MAPK8IP1: variants seen among roughly 807,000 people sequenced by gnomAD.
MAPK8IP1 encodes the protein mitogen-activated protein kinase 8 interacting protein 1.
MAPK8IP1 carries 17 observed loss-of-function variants against 72.6 expected under a neutral mutation model. That is an observed-to-expected ratio of 0.23 (90% CI 0.16 to 0.35). The LOEUF (loss-of-function observed/expected upper bound fraction) is 0.35, where lower values mean the gene tolerates loss of function less well. Ranked by LOEUF, MAPK8IP1 falls within the 10% of genes least tolerant of loss-of-function variation. The pLI is 1.00. For missense variants in MAPK8IP1, 789 were observed against 1,009.7 expected (o/e 0.78, Z 2.96); for synonymous variants, 401 against 443.4 (o/e 0.90, Z 1.20).
At chr11:45,889,989 G>A (rs564257962) in intron 1 of MAPK8IP1, among the ~76,000 whole-genome samples, 14 of 152,294 alleles carry the variant, frequency 9.2e-5, no homozygotes, top group Admixed American at 6.5e-4. Flanking sequence ...TGGGCTGGTC[G>A]GTGTGATGAT....
rs1315165082 is a variant in MAPK8IP1 at position 45,904,864 on chromosome 11, C to G, written c.1893+30C>G. 6.2e-7 allele frequency: 1 copy of G among 1,610,964 alleles called. No homozygotes were observed. Among genetic ancestry groups the G allele is most frequent in the Admixed American group, 1.7e-5 (1 of 60,006 alleles). ...CTTCTTCCAACCCAGCCCCTTCCTT[C>G]CATGGCCCCAAGCTCTCCCCCAAGA... On this transcript the variant is annotated intron_variant, in intron 9 of 11. Transcript: ENST00000241014. This position sits in a 1 kb window ranked among gnomAD's most constrained non-coding sequence, Gnocchi z 6.4.
At position 45,900,790 on chromosome 11, in the gene MAPK8IP1, T is replaced by TTC. The variant is rs2086647073; in HGVS notation, c.522+341_522+342dup. 6.6e-6 allele frequency among the ~76,000 whole-genome samples: 1 copy of TTC among 152,052 alleles called. No homozygotes were observed. The highest frequency in any genetic ancestry group is 2.4e-5 in the African/African-American group (1 of 41,398). On this transcript the variant is annotated intron_variant, in intron 3 of 11. Transcript: ENST00000241014. The surrounding 1 kb of genome is among the most constrained non-coding windows in gnomAD (Gnocchi z 6.5). ...CTGGGACCTCAGGCTGTGACAGGGTTTCTCCTTTAGGATATGGGGCTCCTG... is the reference window on the plus strand; with the variant it reads ...CTGGGACCTCAGGCTGTGACAGGGTTTCTCTCCTTTAGGATATGGGGCTCCTG...
chr11:45,903,016 GCCT>G lies in MAPK8IP1; in HGVS notation c.1252_1254del (p.Ser418del). Reference sequence around the variant, plus strand: ...CTCTGCCACCGTCTATGACAACTGTGCCTCCGTCTCCTCGCCCTATGAGTCGGC... The same window carrying G: ...CTCTGCCACCGTCTATGACAACTGTGCCGTCTCCTCGCCCTATGAGTCGGC... On this transcript the variant is annotated inframe_deletion, in exon 5 of 12. Coordinates refer to ENST00000241014, the MANE Select transcript of MAPK8IP1 (RefSeq NM_005456.4). This position sits in a 1 kb window ranked among gnomAD's most constrained non-coding sequence, Gnocchi z 6.4. The G allele has an allele frequency of 1.2e-6, 2 of 1,611,790 alleles. No homozygotes were observed. Among genetic ancestry groups the G allele is most frequent in the Non-Finnish European group, 1.7e-6 (2 of 1,179,882 alleles).
chr11:45,896,832 G>T (rs763630293), intron 1 of MAPK8IP1: 16 of 1,547,246 alleles, frequency 1.0e-5, no homozygotes, highest in Non-Finnish European at 1.4e-5. Flanking sequence ...CCGGGCATGA[G>T]AGGGCAGCCC....
At chr11:45,905,606 G>C in intron 11 of MAPK8IP1, 43 bp from the exon 12 acceptor site, 1 of 1,553,984 alleles carries the variant, frequency 6.4e-7, no homozygotes, top group Non-Finnish European at 8.9e-7. Context: ...TTCCTCCCTT[G>C]CCAGTGGCGA....
Position 45,900,081 on chromosome 11 carries a change from A to G in MAPK8IP1, c.208-57A>G. The stretch of plus-strand genomic sequence containing the variant: ...ACTCGCCCGGGCGGGGGGCGGTGCA[A>G]GCGGCCTCGGCCCCGCCCCGGCCCC... On this transcript the variant is annotated intron_variant, in intron 2 of 11. Transcript: ENST00000241014. The surrounding 1 kb of genome is among the most constrained non-coding windows in gnomAD (Gnocchi z 6.5). 2.8e-6 allele frequency: 3 copies of G among 1,078,548 alleles called. No individual in the cohort carries two copies. Among genetic ancestry groups the G allele is most frequent in the Non-Finnish European group, 3.5e-6 (3 of 867,606 alleles). The allele number at this position is 1,078,548 out of a possible 1,614,324, so 66.8% of individuals were successfully genotyped here.
chr11:45,902,839 G>T lies in MAPK8IP1; in HGVS notation c.1072G>T (p.Glu358Ter). ...PGGGWRGSLG[E>*]PPPPPRASLS... is the part of the protein sequence containing the mutation. ...CGGAGGGTGGCGGGGGAGCCTGGGG[G>T]AGCCGCCGCCACCTCCACGGGCCTC... The change falls in exon 5 of 12, where the codon GAG becomes TAG. Residue 358 changes from glutamate to a stop codon, truncating the protein, a stop_gained. Transcript: ENST00000241014. LOFTEE classifies it high-confidence loss of function. This position sits in a 1 kb window ranked among gnomAD's most constrained non-coding sequence, Gnocchi z 9.3. 6.3e-7 allele frequency: 1 copy of T among 1,583,356 alleles called. No homozygotes were observed. Among genetic ancestry groups the T allele is most frequent in the Non-Finnish European group, 8.6e-7 (1 of 1,166,372 alleles).
In MAPK8IP1 at chr11:45,902,985, G is replaced by C. The variant is rs2086669295; in HGVS notation, c.1218G>C (p.Glu406Asp). 3 of 1,611,894 alleles carry C rather than the reference G, an allele frequency of 1.9e-6. No homozygotes were observed. Among genetic ancestry groups the C allele is most frequent in the African/African-American group, 1.3e-5 (1 of 74,990 alleles). Residue 406 changes from glutamate (E) to aspartate (D), a missense_variant, in exon 5 of 12, where the codon GAG (glutamate) becomes GAC (aspartate). Physicochemically the swap from Glu to Asp is conservative, Grantham distance 45. This residue lies in a region of MAPK8IP1 where 377 missense variants were observed against 411.7 expected (regional missense o/e 0.92). Coordinates refer to ENST00000241014, the MANE Select transcript of MAPK8IP1 (RefSeq NM_005456.4). This position sits in a 1 kb window ranked among gnomAD's most constrained non-coding sequence, Gnocchi z 9.3. ...LRPCFGDYSDESDSATVYDNC... is the reference protein window; with the variant it reads ...LRPCFGDYSDDSDSATVYDNC... Reference sequence around the variant, plus strand: ...CGTGCTTCGGAGACTACAGTGACGAGAGTGACTCTGCCACCGTCTATGACA... The same window carrying C: ...CGTGCTTCGGAGACTACAGTGACGACAGTGACTCTGCCACCGTCTATGACA...
rs200861362 is a variant in MAPK8IP1 at position 45,904,853 on chromosome 11, G to A, written c.1893+19G>A. Reference sequence around the variant, plus strand: ...GGCCAAGGTGACTTCTTCCAACCCAGCCCCTTCCTTCCATGGCCCCAAGCT... The same window carrying A: ...GGCCAAGGTGACTTCTTCCAACCCAACCCCTTCCTTCCATGGCCCCAAGCT... On this transcript the variant is annotated intron_variant, in intron 9 of 11. Coordinates refer to ENST00000241014, the MANE Select transcript of MAPK8IP1 (RefSeq NM_005456.4). The surrounding 1 kb of genome is among the most constrained non-coding windows in gnomAD (Gnocchi z 6.4). The A allele has an allele frequency of 1.7e-5, 28 of 1,612,786 alleles. No individual in the cohort carries two copies. Among genetic ancestry groups the A allele is most frequent in the Non-Finnish European group, 2.2e-5 (26 of 1,178,846 alleles).
chr11:45,893,958 A>T (rs546566410), intron 1 of MAPK8IP1, among the ~76,000 whole-genome samples: 101 of 152,332 alleles, frequency 6.6e-4, no homozygotes, highest in African/African-American at 2.3e-3. Context: ...GAAAGGGCAG[A>T]GTCTTGGATG....
At chr11:45,890,993 TGGGG>T (rs1179500089) in intron 1 of MAPK8IP1, among the ~76,000 whole-genome samples, 1 of 151,550 alleles carries the variant, frequency 6.6e-6, no homozygotes, top group Non-Finnish European at 1.5e-5. Context: ...TCGGTGGAGG[TGGGG>T]AGGTGCTGCT....
chr11:45,903,244 T>C lies in MAPK8IP1; in HGVS notation c.1417+60T>C. ...GTCCCTAGCGGGGGCAGAGCCAAAA[T>C]GCGAAGTGTTCTGGGAGGCGACCCC... On this transcript the variant is annotated intron_variant, in intron 5 of 11. Transcript: ENST00000241014. This position sits in a 1 kb window ranked among gnomAD's most constrained non-coding sequence, Gnocchi z 6.4. The C allele has an allele frequency of 1.3e-6, 2 of 1,586,296 alleles. No individual in the cohort carries two copies. Among genetic ancestry groups the C allele is most frequent in the South Asian group, 2.2e-5 (2 of 90,052 alleles).
chr11:45,904,376 C>T lies in MAPK8IP1; in HGVS notation c.1667-79C>T. On this transcript the variant is annotated intron_variant, in intron 7 of 11. Transcript: ENST00000241014. The surrounding 1 kb of genome is among the most constrained non-coding windows in gnomAD (Gnocchi z 6.4). ...CTGTGGGCTCTGCCATTCCCCGTGC[C>T]TCACCCACCCTCCTTCACTTGGCTG... 2.3e-6 allele frequency: 3 copies of T among 1,306,616 alleles called. No individual in the cohort carries two copies. Among genetic ancestry groups the T allele is most frequent in the Non-Finnish European group, 3.3e-6 (3 of 912,606 alleles). The allele number at this position is 1,306,616 out of a possible 1,614,324, so 80.9% of individuals were successfully genotyped here.
Position 45,903,838 on chromosome 11 carries a change from C to T in MAPK8IP1, c.1494-151C>T, listed in dbSNP as rs1425931932. The T allele has an allele frequency of 1.3e-6, 1 of 766,204 alleles. No homozygotes were observed. Among genetic ancestry groups the T allele is most frequent in the African/African-American group, 1.7e-5 (1 of 58,630 alleles). The allele number at this position is 766,204 out of a possible 1,614,324, so 47.5% of individuals were successfully genotyped here. ...AGATGCATGTCTGCTTGACCTTGCT[C>T]TCCCCTGGGGTTAGTACTGCAACAG... On this transcript the variant is annotated intron_variant, in intron 6 of 11. Coordinates refer to ENST00000241014, the MANE Select transcript of MAPK8IP1 (RefSeq NM_005456.4). The surrounding 1 kb of genome is among the most constrained non-coding windows in gnomAD (Gnocchi z 6.4).
intron 1 of MAPK8IP1, chr11:45,896,490 A>C: frequency 1.0e-6 from 1 of 1,003,258 alleles, no homozygotes; most frequent in Non-Finnish European, 1.2e-6. Context: ...TGGGCCAGGG[A>C]GGGGGGGCCA....
At position 45,900,523 on chromosome 11, in the gene MAPK8IP1, C is replaced by T. The variant is rs1051660478; in HGVS notation, c.522+71C>T. ...TGTGAGGGGGAGCGCAGAGGGGCTG[C>T]AGCGGGAAGGGGCACCCACGGGTCC... On this transcript the variant is annotated intron_variant, in intron 3 of 11. Transcript: ENST00000241014. This position sits in a 1 kb window ranked among gnomAD's most constrained non-coding sequence, Gnocchi z 6.5. The T allele has an allele frequency of 3.4e-5, 51 of 1,497,666 alleles. No homozygotes were observed. In the African/African-American group the frequency reaches 6.5e-4, roughly 19 times the overall value. 92.8% of individuals were successfully genotyped at this position (1,497,666 alleles called of 1,614,324 possible). A position where few individuals can be genotyped will look rare whatever the true frequency, so the allele number is the denominator to read the frequency against.
intron 1 of MAPK8IP1, chr11:45,896,507 C>A: frequency 9.4e-7 from 1 of 1,058,544 alleles, no homozygotes; most frequent in Non-Finnish European, 1.1e-6. Context: ...GCCACTCAGC[C>A]CCCGACAGGG....
intron 1 of MAPK8IP1, among the ~76,000 whole-genome samples, chr11:45,894,111 T>C (rs1428421070): frequency 1.3e-5 from 2 of 152,192 alleles, no homozygotes; most frequent in East Asian, 3.8e-4. Flanking sequence ...CTTCATCCTG[T>C]ATCTGGGAAG....
chr11:45,886,576 G>C (rs1195444246), intron 1 of MAPK8IP1, among the ~76,000 whole-genome samples: 1 of 152,200 alleles, frequency 6.6e-6, no homozygotes, highest in Non-Finnish European at 1.5e-5. Flanking sequence ...GCCAGCGAGG[G>C]TGTCGAGGGG....
Sources: allele counts gnomAD v4.1 joint callset (sites outside exome capture counted in the v4.1 genomes callset), GRCh38; gene constraint gnomAD v4.1.1; regional missense constraint gnomAD v4.1.1; non-coding constraint Gnocchi (gnomAD v3.1); transcripts MANE v1.5; gene names NCBI Gene and HGNC (gene_info 2026-07-23, HGNC 2026-07-21).